ARHGAP28: variants seen among roughly 807,000 people sequenced by gnomAD.
ARHGAP28 encodes rho GTPase-activating protein 28.
ARHGAP28 carries 56 observed loss-of-function variants against 90.7 expected under a neutral mutation model. The ratio of observed to expected loss-of-function variants is 0.62; its 90% CI spans 0.50 to 0.77. The LOEUF (loss-of-function observed/expected upper bound fraction) is 0.77. ARHGAP28 is among the 30% of genes least tolerant of loss of function. ARHGAP28 has a pLI of 0.00. For synonymous variants in ARHGAP28, 308 were observed against 323.3 expected (o/e 0.95, Z 0.51); for missense variants, 869 against 900.9 (o/e 0.96, Z 0.45).
rs1567992198 is a variant in ARHGAP28, at chr18:6,912,045, TTCTC to T, written c.2096-13_2096-10del. The T allele has an allele frequency of 1.9e-6, 3 of 1,547,354 alleles. No homozygotes were observed. Among genetic ancestry groups the T allele is most frequent in the South Asian group, 1.1e-5 (1 of 87,042 alleles). ...CAAATGTACACTAATTCTCTGATCTTTCTCTTTCTTTTAGGAGAGCATTGCTTGG... is the reference window on the plus strand; with the variant it reads ...CAAATGTACACTAATTCTCTGATCTTTTTCTTTTAGGAGAGCATTGCTTGG... On this transcript the variant is annotated splice_polypyrimidine_tract_variant and intron_variant, in intron 17 of 17. Transcript: ENST00000383472.
Position 6,873,548 on chromosome 18 carries a change from A to G in ARHGAP28, c.1094A>G (p.Asn365Ser), listed in dbSNP as rs2057106200. The G allele has an allele frequency of 6.2e-7, 1 of 1,613,782 alleles. No individual in the cohort carries two copies. The highest frequency in any genetic ancestry group is 2.2e-5 in the East Asian group (1 of 44,876). Reference protein sequence around the residue: ...FDAFGIQLKRNKTEKVKGRDN... With the variant: ...FDAFGIQLKRSKTEKVKGRDN... ...GCCTTTGGAATTCAACTGAAAAGGA[A>G]CAAAACAGAGAAAGTAAAAGGACGA... The change falls in exon 8 of 18, where the codon AAC becomes AGC. Residue 365 changes from asparagine (N) to serine (S), a missense_variant. Coordinates refer to ENST00000383472, the MANE Select transcript of ARHGAP28 (RefSeq NM_001366230.1).
At chr18:6,909,048 A>G (rs2057379792) in intron 17 of ARHGAP28, 24 bp downstream of exon 17, 1 of 1,251,994 alleles carries the variant, frequency 8.0e-7, no homozygotes, top group South Asian at 1.3e-5. Context: ...AATAATTTCT[A>G]CTGCTAAATT....
Position 6,902,677 on chromosome 18 carries a change from C to T in ARHGAP28, c.2030+6051C>T, listed in dbSNP as rs542917376. On this transcript the variant is annotated intron_variant, in intron 16 of 17. Coordinates refer to ENST00000383472, the MANE Select transcript of ARHGAP28 (RefSeq NM_001366230.1). ...AATAAATAAAAATAACAAGTGCTGG[C>T]GAAGATGAGAAGAAATCTTGTGCAC... Among the ~76,000 whole-genome samples, 11 of 152,166 alleles carry T rather than the reference C, an allele frequency of 7.2e-5. No homozygotes were observed. The East Asian group carries it at 1.2e-3, about 16-fold the overall frequency.
intron 1 of ARHGAP28, chr18:6,790,830 C>G (rs2056401397): frequency 6.6e-6 from 1 of 152,126 alleles, no homozygotes; most frequent in Admixed American, 6.5e-5. Context: ...AACCGGGAGA[C>G]AGTGTTGTCA....
chr18:6,870,724 G>A lies in ARHGAP28; in HGVS notation c.946G>A (p.Val316Ile). ...KKSEIKKEDY[V>I]LTKFNVQKTR... ...ATCAGAGATTAAGAAAGAAGACTAT[G>A]TTTTAACTGTAAGCAAAACCTTTCA... Residue 316 changes from valine to isoleucine, a missense_variant, in exon 7 of 18, where the codon GTT becomes ATT. By Grantham distance (29) the Val-to-Ile change is conservative. Coordinates refer to ENST00000383472, the MANE Select transcript of ARHGAP28 (RefSeq NM_001366230.1). 1 of 1,601,952 alleles carries A rather than the reference G, an allele frequency of 6.2e-7. No homozygotes were observed. Among genetic ancestry groups the A allele is most frequent in the South Asian group, 1.1e-5 (1 of 88,642 alleles).
chr18:6,817,552 T>A (rs956392807), intron 1 of ARHGAP28, among the ~76,000 whole-genome samples: 3 of 152,162 alleles, frequency 2.0e-5, no homozygotes, highest in African/African-American at 7.2e-5. Flanking sequence ...ACAACAAAGA[T>A]GAGAGTAGGT....
intron 1 of ARHGAP28, among the ~76,000 whole-genome samples, chr18:6,794,249 G>A (rs1346182522): frequency 6.6e-6 from 1 of 152,108 alleles, no homozygotes; most frequent in Non-Finnish European, 1.5e-5. Context: ...ACCACATTTT[G>A]TTCTAGTTCA....
At chr18:6,751,066 G>T (rs1385319290) in intron 1 of ARHGAP28, among the ~76,000 whole-genome samples, 1 of 151,990 alleles carries the variant, frequency 6.6e-6, no homozygotes. Flanking sequence ...AGAAGTCAGG[G>T]TTTATCTTTC....
In ARHGAP28 at chr18:6,871,046, T is replaced by C. The variant is rs781052932; in HGVS notation, c.954+314T>C. 3.1e-4 allele frequency among the ~76,000 whole-genome samples: 47 copies of C among 152,314 alleles called. 1 individual carries two copies. The highest frequency in any genetic ancestry group is 4.1e-4 in the Non-Finnish European group (28 of 68,030). On this transcript the variant is annotated intron_variant, in intron 7 of 17. Transcript: ENST00000383472. The stretch of plus-strand genomic sequence containing the variant: ...CGATCTCCTGACCTCACGATCTGCC[T>C]GCCTCGGCCTCTCAAAGTGCTGGGA...
At chr18:6,881,080 C>A (rs181756281) in intron 10 of ARHGAP28, among the ~76,000 whole-genome samples, 1 of 152,300 alleles carries the variant, frequency 6.6e-6, no homozygotes, top group African/African-American at 2.4e-5. Context: ...GAGGGTGCAT[C>A]AGAATCATGC....
intron 6 of ARHGAP28, among the ~76,000 whole-genome samples, 175 bp from the exon 7 acceptor site, chr18:6,870,415 C>T (rs1402404826): frequency 1.3e-5 from 2 of 152,164 alleles, no homozygotes; most frequent in African/African-American, 2.4e-5. Context: ...GTCTGTGATG[C>T]GACACTGTTG....
At chr18:6,771,479 A>G (rs1397575342) in intron 1 of ARHGAP28, among the ~76,000 whole-genome samples, 1 of 152,204 alleles carries the variant, frequency 6.6e-6, no homozygotes, top group Admixed American at 6.6e-5. Context: ...GTATTTCACA[A>G]GCAAAGCAAG....
intron 2 of ARHGAP28, among the ~76,000 whole-genome samples, chr18:6,826,117 G>GTTTTTTTTTT (rs35995654): frequency 7.2e-6 from 1 of 138,500 alleles, no homozygotes; most frequent in African/African-American, 2.7e-5. Flanking sequence ...CATTGCCAGT[G>GTTTTTTTTTT]TTTTTTTTTT....
chr18:6,874,646 G>A (rs971345832), intron 9 of ARHGAP28: 1 of 152,156 alleles, frequency 6.6e-6, no homozygotes, highest in Non-Finnish European at 1.5e-5. Context: ...TACATCACTT[G>A]TTTAGCTTCC....
intron 14 of ARHGAP28, among the ~76,000 whole-genome samples, chr18:6,894,323 A>T (rs1204012443): frequency 6.6e-6 from 1 of 152,218 alleles, no homozygotes; most frequent in African/African-American, 2.4e-5. Flanking sequence ...GGGTGTGTGT[A>T]CAGGAACATG....
At chr18:6,781,390 GA>G (rs1410174552) in intron 1 of ARHGAP28, among the ~76,000 whole-genome samples, 1 of 152,166 alleles carries the variant, frequency 6.6e-6, no homozygotes, top group Non-Finnish European at 1.5e-5. Flanking sequence ...CTGCCACGGG[GA>G]TCCTTATCTC....
chr18:6,741,557 C>T (rs748616352), intron 1 of ARHGAP28, among the ~76,000 whole-genome samples: 24 of 152,022 alleles, frequency 1.6e-4, no homozygotes, highest in Admixed American at 3.3e-4. Flanking sequence ...AAGCTGATTT[C>T]GATTATACCA....
chr18:6,768,830 G>A (rs1016404428), intron 1 of ARHGAP28, among the ~76,000 whole-genome samples: 4 of 152,132 alleles, frequency 2.6e-5, no homozygotes, highest in East Asian at 1.9e-4. Context: ...TGGTCTGGGC[G>A]GTTCATCCGG....
intron 1 of ARHGAP28, among the ~76,000 whole-genome samples, chr18:6,767,062 A>G (rs879777360): frequency 6.6e-6 from 1 of 151,874 alleles, no homozygotes; most frequent in South Asian, 2.1e-4. Flanking sequence ...GCCCTCGTTT[A>G]TATTACCTGA....
Sources: gnomAD v4.1 joint callset for allele counts (sites outside exome capture counted in the v4.1 genomes callset) on GRCh38, gnomAD v4.1.1 for gene constraint, MANE v1.5 for transcripts, NCBI Gene and HGNC (gene_info 2026-07-23, HGNC 2026-07-21) for gene names.